TENM3: variants seen among roughly 807,000 people sequenced by gnomAD.
TENM3 encodes the protein teneurin transmembrane protein 3, also known as teneurin-3.
In TENM3, 63 loss-of-function variants were observed where a neutral mutation model predicts 255.1. The observed-to-expected ratio is 0.25, with a 90% CI of 0.20 to 0.30. The LOEUF is 0.30. TENM3 is among the 10% of genes least tolerant of loss of function. TENM3 has a pLI of 1.00. For synonymous variants in TENM3, 1,306 were observed against 1,322.3 expected (o/e 0.99, Z 0.27); for missense variants, 2,929 against 3,461.1 (o/e 0.85, Z 3.86).
chr4:181,700,060 C>T, the TENM3 span, among the ~76,000 whole-genome samples: 6 of 152,304 alleles, frequency 3.9e-5, no homozygotes, highest in Non-Finnish European at 8.8e-5. Context: ...GCTGTTCCAT[C>T]ATTCACATTC....
chr4:182,100,874 T>TACTCATATATATAC, the TENM3 span, among the ~76,000 whole-genome samples: 11 of 39,564 alleles, frequency 2.8e-4, 5 homozygotes, highest in African/African-American at 1.6e-3. Context: ...TATATATATA[T>TACTCATATATATAC]AGAGAGAGAG....
At chr4:181,850,400 AT>A in the TENM3 span, among the ~76,000 whole-genome samples, 1 of 152,080 alleles carries the variant, frequency 6.6e-6, no homozygotes, top group Non-Finnish European at 1.5e-5. Context: ...CTAGAAATAA[AT>A]TTTGGTATTT....
the TENM3 span, among the ~76,000 whole-genome samples, chr4:181,875,762 G>T: frequency 2.0e-4 from 30 of 152,238 alleles, no homozygotes; most frequent in African/African-American, 7.2e-4. Context: ...GTTAAGATTT[G>T]TTCTTAATTC....
At chr4:181,974,105 T>TGGCTTGAATG in the TENM3 span, among the ~76,000 whole-genome samples, 1 of 152,188 alleles carries the variant, frequency 6.6e-6, no homozygotes, top group Non-Finnish European at 1.5e-5. Flanking sequence ...AGCCACTCAG[T>TGGCTTGAATG]AGAGACTGCT....
At chr4:182,508,869 A>C (rs1737094346) in intron 3 of TENM3, among the ~76,000 whole-genome samples, 1 of 152,194 alleles carries the variant, frequency 6.6e-6, no homozygotes, top group Admixed American at 6.5e-5. Context: ...CAGTTGATAA[A>C]CTCAACTCCA....
chr4:182,421,935 CG>C (rs1770868633), intron 3 of TENM3, among the ~76,000 whole-genome samples: 1 of 152,116 alleles, frequency 6.6e-6, no homozygotes, highest in African/African-American at 2.4e-5. Context: ...GGTCAAGTCC[CG>C]GGGCCAGCTT....
At chr4:182,001,503 A>G in the TENM3 span, among the ~76,000 whole-genome samples, 1 of 152,080 alleles carries the variant, frequency 6.6e-6, no homozygotes, top group Non-Finnish European at 1.5e-5. Flanking sequence ...CAAACAACAT[A>G]AGAAACCAAA....
At chr4:181,450,267 G>A in the TENM3 span, among the ~76,000 whole-genome samples, 1 of 152,060 alleles carries the variant, frequency 6.6e-6, no homozygotes, top group South Asian at 2.1e-4. Flanking sequence ...ATGATACAAT[G>A]GGTTCTATTC....
the TENM3 span, among the ~76,000 whole-genome samples, chr4:181,581,416 G>A: frequency 6.6e-6 from 1 of 152,038 alleles, no homozygotes; most frequent in Non-Finnish European, 1.5e-5. Flanking sequence ...CCTCCAGCCT[G>A]GGCGACAGAG....
At chr4:181,665,454 G>T in the TENM3 span, among the ~76,000 whole-genome samples, 2 of 151,980 alleles carry the variant, frequency 1.3e-5, no homozygotes, top group African/African-American at 4.8e-5. Flanking sequence ...AATATTATAT[G>T]TGCATTTATA....
At chr4:182,513,173 G>C (rs1737586935) in intron 3 of TENM3, among the ~76,000 whole-genome samples, 1 of 152,050 alleles carries the variant, frequency 6.6e-6, no homozygotes, top group South Asian at 2.1e-4. Flanking sequence ...GGAGTAATTT[G>C]GTAAATTTTC....
the TENM3 span, among the ~76,000 whole-genome samples, chr4:182,077,754 A>G: frequency 6.6e-6 from 1 of 152,170 alleles, no homozygotes; most frequent in Non-Finnish European, 1.5e-5. Context: ...GCTGAAGAGT[A>G]AGTAAAAATT....
At chr4:181,660,226 G>A in the TENM3 span, among the ~76,000 whole-genome samples, 4 of 152,282 alleles carry the variant, frequency 2.6e-5, no homozygotes, top group African/African-American at 9.6e-5. Context: ...TCAAGAACAT[G>A]TACAACACAC....
the TENM3 span, among the ~76,000 whole-genome samples, chr4:181,779,933 C>T: frequency 2.3e-4 from 35 of 152,126 alleles, no homozygotes; most frequent in African/African-American, 8.2e-4. Flanking sequence ...TGATGATTTC[C>T]AGCTTCATCC....
intron 24 of TENM3, among the ~76,000 whole-genome samples, chr4:182,786,799 ACAGT>A (rs1253984876): frequency 1.3e-5 from 2 of 152,190 alleles, no homozygotes; most frequent in African/African-American, 2.4e-5. Flanking sequence ...CCTGGAAGCT[ACAGT>A]CAGTCTTCTG....
At chr4:182,467,826 G>T (rs899376305) in intron 3 of TENM3, among the ~76,000 whole-genome samples, 4 of 152,182 alleles carry the variant, frequency 2.6e-5, no homozygotes, top group African/African-American at 7.2e-5. Flanking sequence ...TAATTAGAGT[G>T]TTAGAGTGGT....
At chr4:182,769,714 G>T (rs1764024790) in intron 22 of TENM3, among the ~76,000 whole-genome samples, 1 of 151,980 alleles carries the variant, frequency 6.6e-6, no homozygotes. Context: ...AACTTGGGAG[G>T]CGGAGGTTGC....
chr4:182,448,936 CAG>C, intron 3 of TENM3: 3 of 380,476 alleles, frequency 7.9e-6, no homozygotes, highest in East Asian at 1.5e-4. Context: ...CGGGTGTAAA[CAG>C]AGGAGCCTCA....
In TENM3 at chr4:182,777,547, C is replaced by CTTTTT. The variant is rs1157448732; in HGVS notation, c.5304+2418_5304+2422dup. ...TGTGTGTGTGTGTGTGTGTGTATTTCTTTTTTTTTTTTTTTTTTTTTTTTT... is the reference window on the plus strand; with the variant it reads ...TGTGTGTGTGTGTGTGTGTGTATTTCTTTTTTTTTTTTTTTTTTTTTTTTTTTTTT... On this transcript the variant is annotated intron_variant, in intron 24 of 27. Coordinates refer to ENST00000511685, the MANE Select transcript of TENM3 (RefSeq NM_001080477.4). Among the ~76,000 whole-genome samples, 58 of 45,470 alleles carry CTTTTT rather than the reference C, an allele frequency of 1.3e-3. 19 individuals are homozygous for CTTTTT. The highest frequency in any genetic ancestry group is 4.8e-3 in the African/African-American group (56 of 11,578). 29.8% of individuals were successfully genotyped at this position (45,470 alleles called of 152,430 possible).
Sources: allele counts gnomAD v4.1 joint callset (sites outside exome capture counted in the v4.1 genomes callset), GRCh38; gene constraint gnomAD v4.1.1; transcripts MANE v1.5; gene names NCBI Gene and HGNC (gene_info 2026-07-23, HGNC 2026-07-21).